The following FBXO32 variants were observed in gnomAD, a reference collection of about 807,000 sequenced individuals.
FBXO32 encodes F-box only protein 32.
FBXO32 carries 15 observed loss-of-function variants against 48.3 expected under a neutral mutation model. The ratio of observed to expected loss-of-function variants is 0.31; its 90% CI spans 0.21 to 0.48. The LOEUF (loss-of-function observed/expected upper bound fraction) is 0.48. FBXO32 is among the 20% of genes least tolerant of loss of function. The pLI, the probability that FBXO32 is intolerant of heterozygous loss-of-function variation, is 0.99. For missense variants in FBXO32, 309 were observed against 432.7 expected (o/e 0.71, Z 2.54); for synonymous variants, 154 against 165.9 (o/e 0.93, Z 0.55).
At chr8:123,528,491 T>C (rs1009297175) in intron 4 of FBXO32, among the ~76,000 whole-genome samples, 2 of 152,222 alleles carry the variant, frequency 1.3e-5, no homozygotes, top group Non-Finnish European at 2.9e-5. Flanking sequence ...GGTAAGTTGC[T>C]GTTTCTAGAG....
rs904883207 is a variant in FBXO32, at chr8:123,528,138, C to T, written c.372+3760G>A. Reference sequence around the variant, plus strand: ...GGGTACCACCTTCAACTAATTAAATCGGAAGCTCCAGAGGTGGGCTTCTGT... The same window carrying T: ...GGGTACCACCTTCAACTAATTAAATTGGAAGCTCCAGAGGTGGGCTTCTGT... On this transcript the variant is annotated intron_variant, in intron 4 of 8. Coordinates refer to ENST00000517956, the MANE Select transcript of FBXO32 (RefSeq NM_058229.4). Among the ~76,000 whole-genome samples, 9 of 152,220 alleles carry T rather than the reference C, an allele frequency of 5.9e-5. No individual in the cohort carries two copies. The South Asian group carries it at 8.3e-4, about 14-fold the overall frequency.
intron 4 of FBXO32, among the ~76,000 whole-genome samples, chr8:123,529,203 T>C (rs1242644767): frequency 2.6e-5 from 4 of 152,238 alleles, no homozygotes; most frequent in Non-Finnish European, 5.9e-5. Context: ...CAGCAGTTTC[T>C]CTAAGATTAT....
chr8:123,519,466 G>A (rs1393349720), intron 4 of FBXO32, among the ~76,000 whole-genome samples: 1 of 150,760 alleles, frequency 6.6e-6, no homozygotes, highest in Non-Finnish European at 1.5e-5. Flanking sequence ...CAGGAGAATG[G>A]CGTGAACCCG....
At chr8:123,517,114 G>C (rs908166372) in intron 4 of FBXO32, among the ~76,000 whole-genome samples, 1 of 152,112 alleles carries the variant, frequency 6.6e-6, no homozygotes, top group Non-Finnish European at 1.5e-5. Flanking sequence ...CAAAAGCCTC[G>C]GGTCGGCTTT....
intron 4 of FBXO32, among the ~76,000 whole-genome samples, chr8:123,518,955 G>A (rs1816894088): frequency 6.6e-6 from 1 of 152,066 alleles, no homozygotes; most frequent in South Asian, 2.1e-4. Flanking sequence ...CCAAGTAGCT[G>A]GGACCACAGG....
At position 123,514,171 on chromosome 8, in the gene FBXO32, T is replaced by C. The variant is rs190223361; in HGVS notation, c.466+69A>G. 16 of 1,147,558 alleles carry C rather than the reference T, an allele frequency of 1.4e-5. No individual in the cohort carries two copies. In the African/African-American group the frequency reaches 2.5e-4, roughly 18 times the overall value. The allele number at this position is 1,147,558 out of a possible 1,614,324, so 71.1% of individuals were successfully genotyped here. On this transcript the variant is annotated intron_variant, in intron 5 of 8. Transcript: ENST00000517956. ...TCTTTAAGTCTAATGACACGTCCAC[T>C]TCATTGGAAAATCCATCTGCCCACC...
intron 7 of FBXO32, among the ~76,000 whole-genome samples, chr8:123,504,950 A>AAACAAC (rs372321127): frequency 2.7e-5 from 4 of 148,540 alleles, no homozygotes; most frequent in Non-Finnish European, 5.9e-5. Context: ...CAAGCTTAAA[A>AAACAAC]AACAACAACA....
At chr8:123,526,994 G>C (rs764916740) in intron 4 of FBXO32, 4 of 152,168 alleles carry the variant, frequency 2.6e-5, no homozygotes, top group African/African-American at 7.2e-5. Context: ...ATGAGTGAGC[G>C]TAGCTGTGTT....
intron 4 of FBXO32, among the ~76,000 whole-genome samples, chr8:123,528,562 G>T (rs1007345716): frequency 3.9e-5 from 6 of 152,178 alleles, no homozygotes; most frequent in African/African-American, 1.4e-4. Flanking sequence ...CTGTGTAGGG[G>T]AGGGAGCAGG....
At chr8:123,524,294 C>A (rs1817026471) in intron 4 of FBXO32, among the ~76,000 whole-genome samples, 1 of 152,166 alleles carries the variant, frequency 6.6e-6, no homozygotes, top group Admixed American at 6.5e-5. Context: ...CTTCCGTGGG[C>A]ACCTAGACAC....
At chr8:123,537,176 A>C (rs1157876602) in intron 1 of FBXO32, among the ~76,000 whole-genome samples, 1 of 152,142 alleles carries the variant, frequency 6.6e-6, no homozygotes, top group Non-Finnish European at 1.5e-5. Flanking sequence ...AAGCCAATGG[A>C]AAATTACAAC....
chr8:123,503,397 G>C lies in FBXO32; in HGVS notation c.1044C>G (p.Asp348Glu), dbSNP rs760121430. The change falls in exon 9 of 9, where the codon GAC becomes GAG. Residue 348 changes from aspartate to glutamate, a missense_variant. Asp to Glu is a conservative substitution (Grantham distance 45). Coordinates refer to ENST00000517956, the MANE Select transcript of FBXO32 (RefSeq NM_058229.4). ...TTCAGAACTTGAACAAGTTGATAAA[G>C]TCCTGGGGTGAAAGTGAAACGGAGC... ...ESCSVSLSPQ[D>E]FINLFKF 6.2e-7 allele frequency: 1 copy of C among 1,614,188 alleles called. No individual in the cohort carries two copies. Among genetic ancestry groups the C allele is most frequent in the East Asian group, 2.2e-5 (1 of 44,888 alleles).
intron 3 of FBXO32, among the ~76,000 whole-genome samples, chr8:123,532,904 A>G (rs959246777): frequency 9.9e-5 from 15 of 152,270 alleles, no homozygotes; most frequent in African/African-American, 3.6e-4. Flanking sequence ...GGCAAAACCC[A>G]GGGCAATATA....
chr8:123,507,438 GGTGTGTGTGTGTGTGTGTGTGTGTGT>G (rs200031056), intron 6 of FBXO32, among the ~76,000 whole-genome samples: 1 of 139,802 alleles, frequency 7.2e-6, no homozygotes, highest in Non-Finnish European at 1.5e-5. Context: ...TCTGTGCTAG[GGTGTGTGTGTGTGTGTGTGTGTGTGT>G]GTGTGTGTGT....
At chr8:123,528,110 C>T (rs73330089) in intron 4 of FBXO32, among the ~76,000 whole-genome samples, 3,274 of 152,282 alleles carry the variant, frequency 0.021, 130 homozygotes, top group African/African-American at 0.074. Context: ...AGTAGCAATG[C>T]CTGGGTACCA....
chr8:123,537,693 G>A (rs767224688), intron 1 of FBXO32, among the ~76,000 whole-genome samples: 10 of 152,184 alleles, frequency 6.6e-5, no homozygotes, highest in Non-Finnish European at 7.3e-5. Flanking sequence ...ATGCTCTGGT[G>A]AAACAAACAG....
intron 1 of FBXO32, among the ~76,000 whole-genome samples, chr8:123,538,446 A>T (rs570176528): frequency 6.6e-6 from 1 of 152,158 alleles, no homozygotes; most frequent in African/African-American, 2.4e-5. Context: ...TTGTTTTCTC[A>T]TAACAGGAGA....
intron 4 of FBXO32, among the ~76,000 whole-genome samples, chr8:123,521,669 T>G (rs1215657617): frequency 6.6e-6 from 1 of 152,042 alleles, no homozygotes. Context: ...ACAGAATTGT[T>G]AAGAATGAGA....
Position 123,525,515 on chromosome 8 carries a change from C to T in FBXO32, c.372+6383G>A, listed in dbSNP as rs73330087. ...GGTCATTCTGGCATTAAGAACCTCT[C>T]CTGCGATATAGCCTGTGTGCATGTG... On this transcript the variant is annotated intron_variant, in intron 4 of 8. Coordinates refer to ENST00000517956, the MANE Select transcript of FBXO32 (RefSeq NM_058229.4). The surrounding 1 kb of genome is among the most constrained non-coding windows in gnomAD (Gnocchi z 4.3). Among the ~76,000 whole-genome samples the T allele has an allele frequency of 8.9e-3, 1,354 of 152,302 alleles. 23 individuals are homozygous for T. Among genetic ancestry groups the T allele is most frequent in the African/African-American group, 0.031 (1,293 of 41,548 alleles).
Sources: allele counts gnomAD v4.1 joint callset (sites outside exome capture counted in the v4.1 genomes callset), GRCh38; gene constraint gnomAD v4.1.1; non-coding constraint Gnocchi (gnomAD v3.1); transcripts MANE v1.5; gene names NCBI Gene and HGNC (gene_info 2026-07-23, HGNC 2026-07-21).